Variants in GFI1B observed in about 807,000 individuals in gnomAD.
GFI1B encodes growth factor independent 1B transcriptional repressor, also known as zinc finger protein Gfi-1b.
A neutral mutation model predicts 35.3 loss-of-function variants in GFI1B; 20 were observed. The ratio of observed to expected loss-of-function variants is 0.57; its 90% CI spans 0.40 to 0.82. The LOEUF is 0.82. Ranked by LOEUF, GFI1B falls within the 40% of genes least tolerant of loss-of-function variation. GFI1B has a pLI of 0.00. For synonymous variants in GFI1B, 178 were observed against 177.6 expected (o/e 1.00, Z -0.02); for missense variants, 430 against 446.3 (o/e 0.96, Z 0.33).
At chr9:132,961,586 C>G (rs146020085) in intron 1 of GFI1B, among the ~76,000 whole-genome samples, 258 of 151,032 alleles carry the variant, frequency 1.7e-3, no homozygotes, top group African/African-American at 6.0e-3. Context: ...GGCAAAATAC[C>G]TCTCATTTTT....
At chr9:132,980,721 C>G (rs1429972795) in intron 1 of GFI1B, among the ~76,000 whole-genome samples, 1 of 152,146 alleles carries the variant, frequency 6.6e-6, no homozygotes, top group African/African-American at 2.4e-5. Context: ...ATTTCTGTCT[C>G]TATGAAATTG....
At chr9:132,976,964 A>G (rs1848647939), upstream of GFI1B, among the ~76,000 whole-genome samples, 1 of 152,104 alleles carries the variant, frequency 6.6e-6, no homozygotes, top group African/African-American at 2.4e-5. Flanking sequence ...AATAATAATA[A>G]TAATTTTCTT....
At chr9:132,955,822 GT>G (rs1848275954) in intron 1 of GFI1B, among the ~76,000 whole-genome samples, 1 of 151,620 alleles carries the variant, frequency 6.6e-6, no homozygotes, top group African/African-American at 2.4e-5. Flanking sequence ...GTGTGTGTGT[GT>G]GTGTGTGTGT....
intron 1 of GFI1B, among the ~76,000 whole-genome samples, chr9:132,980,291 T>A (rs1173301599): frequency 6.6e-6 from 1 of 152,126 alleles, no homozygotes; most frequent in East Asian, 1.9e-4. Flanking sequence ...TGGCTCCAGA[T>A]CACCCAGGGA....
At chr9:132,947,587 T>A (rs575204544) in intron 1 of GFI1B, among the ~76,000 whole-genome samples, 1 of 151,970 alleles carries the variant, frequency 6.6e-6, no homozygotes, top group South Asian at 2.1e-4. Context: ...GGCAGGTAGA[T>A]GGCTTGAGGT....
chr9:132,984,564 C>T (rs1190878841), intron 1 of GFI1B, among the ~76,000 whole-genome samples: 1 of 152,218 alleles, frequency 6.6e-6, no homozygotes, highest in African/African-American at 2.4e-5. Context: ...CTTACCCCGT[C>T]CTTTGAATGC....
At chr9:132,966,459 C>A (rs1396968655) in intron 1 of GFI1B, among the ~76,000 whole-genome samples, 5 of 152,140 alleles carry the variant, frequency 3.3e-5, no homozygotes, top group Non-Finnish European at 7.3e-5. Context: ...GGAGAGAAGA[C>A]AAATCACTTA....
chr9:132,952,030 A>C (rs902872097), intron 1 of GFI1B: 10 of 151,986 alleles, frequency 6.6e-5, no homozygotes, highest in African/African-American at 2.4e-4. Flanking sequence ...CCGCCTCCCA[A>C]AGGGCTGGGA....
intron 1 of GFI1B, among the ~76,000 whole-genome samples, chr9:132,980,083 T>G (rs946950447): frequency 1.3e-5 from 2 of 152,228 alleles, no homozygotes; most frequent in Non-Finnish European, 2.9e-5. Flanking sequence ...TAATTCCCCT[T>G]GCTCTTTCTG....
At chr9:132,984,511 C>T (rs1045395381) in intron 1 of GFI1B, among the ~76,000 whole-genome samples, 14 of 152,186 alleles carry the variant, frequency 9.2e-5, no homozygotes, top group Non-Finnish European at 1.6e-4. Flanking sequence ...GCCTTGAGCG[C>T]GGCCCTGGCT....
chr9:132,984,113 A>G (rs998213066), intron 1 of GFI1B, among the ~76,000 whole-genome samples: 8 of 152,170 alleles, frequency 5.3e-5, no homozygotes, highest in Admixed American at 5.2e-4. Context: ...CCTCATAAAT[A>G]TTATGCGCAA....
At chr9:132,966,021 A>G (rs1164322872) in intron 1 of GFI1B, among the ~76,000 whole-genome samples, 1 of 152,216 alleles carries the variant, frequency 6.6e-6, no homozygotes, top group Non-Finnish European at 1.5e-5. Context: ...AAAAAAATCC[A>G]TGAGTTCACA....
At chr9:132,972,899 G>A (rs1334436129) in intron 2 of GFI1B, among the ~76,000 whole-genome samples, 1 of 152,194 alleles carries the variant, frequency 6.6e-6, no homozygotes, top group African/African-American at 2.4e-5. Context: ...ACTGCCTGCA[G>A]CCCCCGGTAA....
chr9:132,982,710 A>AG (rs1848871794), intron 1 of GFI1B, among the ~76,000 whole-genome samples: 1 of 152,076 alleles, frequency 6.6e-6, no homozygotes, highest in East Asian at 1.9e-4. Context: ...TTTAAAAAAA[A>AG]AACAACTCTG....
At chr9:132,982,295 T>C (rs1848854567) in intron 1 of GFI1B, among the ~76,000 whole-genome samples, 1 of 152,090 alleles carries the variant, frequency 6.6e-6, no homozygotes, top group African/African-American at 2.4e-5. Flanking sequence ...AAGCCCCAGG[T>C]TGGTGGCTGA....
At chr9:132,992,531 G>A (rs896827043), downstream of GFI1B, among the ~76,000 whole-genome samples, 2 of 152,030 alleles carry the variant, frequency 1.3e-5, no homozygotes, top group Admixed American at 6.6e-5. Context: ...CCACCGATTC[G>A]CTGAGACCAT....
intron 1 of GFI1B, among the ~76,000 whole-genome samples, chr9:132,963,311 C>T (rs959389046): frequency 5.3e-5 from 8 of 151,994 alleles, no homozygotes; most frequent in African/African-American, 1.9e-4. Context: ...GAAACCCCAT[C>T]TCTACTAAAA....
intron 6 of GFI1B, 35 bp from the exon 7 acceptor site, chr9:132,990,837 C>T (rs1358726932): frequency 2.5e-6 from 4 of 1,610,420 alleles, no homozygotes; most frequent in African/African-American, 1.3e-5. Context: ...AGGCCCTGAC[C>T]CCGCCCTTGC....
intron 6 of GFI1B, 128 bp downstream of exon 6, chr9:132,990,035 A>T (rs896155878): frequency 2.5e-6 from 2 of 801,832 alleles, no homozygotes; most frequent in African/African-American, 3.5e-5. Context: ...GCCACTGCTG[A>T]TGGAGGGCTG....
Sources: gnomAD v4.1 joint callset for allele counts (sites outside exome capture counted in the v4.1 genomes callset) on GRCh38, gnomAD v4.1.1 for gene constraint, MANE v1.5 for transcripts, NCBI Gene and HGNC (gene_info 2026-07-23, HGNC 2026-07-21) for gene names.